The following TAS2R1 variants were observed in gnomAD, a reference collection of about 807,000 sequenced individuals.
The protein encoded by TAS2R1 is taste receptor type 2 member 1.
For synonymous variants in TAS2R1, 141 were observed against 134.2 expected (o/e 1.05, Z -0.35); for missense variants, 370 against 353.4 (o/e 1.05, Z -0.38).
At chr5:9,825,981 T>G in the TAS2R1 span, among the ~76,000 whole-genome samples, 5 of 152,178 alleles carry the variant, frequency 3.3e-5, no homozygotes, top group African/African-American at 9.6e-5. Context: ...CAAAATCCAG[T>G]GGGTTAGGGT....
chr5:9,792,182 C>T, the TAS2R1 span, among the ~76,000 whole-genome samples: 1 of 152,116 alleles, frequency 6.6e-6, no homozygotes, highest in Non-Finnish European at 1.5e-5. Flanking sequence ...CTTGAATAAC[C>T]CACCTATGCT....
chr5:9,808,037 G>C, the TAS2R1 span, among the ~76,000 whole-genome samples: 1 of 152,154 alleles, frequency 6.6e-6, no homozygotes, highest in Non-Finnish European at 1.5e-5. Context: ...CTTTAGAACT[G>C]GTATTAGGTA....
At chr5:9,669,873 C>T (rs888285588) in intron 1 of TAS2R1, among the ~76,000 whole-genome samples, 4 of 151,630 alleles carry the variant, frequency 2.6e-5, no homozygotes, top group African/African-American at 9.7e-5. Context: ...GACTGAACCA[C>T]CCCCAAACCT....
At chr5:9,814,784 C>T in the TAS2R1 span, among the ~76,000 whole-genome samples, 1 of 152,108 alleles carries the variant, frequency 6.6e-6, no homozygotes, top group African/African-American at 2.4e-5. Context: ...AAGTGTATGA[C>T]TTTGGGGAGA....
the TAS2R1 span, among the ~76,000 whole-genome samples, chr5:9,866,931 T>C: frequency 1.3e-5 from 2 of 152,232 alleles, no homozygotes; most frequent in African/African-American, 2.4e-5. Context: ...TGTGTGTATG[T>C]ATGTTCTATA....
At chr5:9,646,591 T>C (rs1374622353) in intron 2 of TAS2R1, among the ~76,000 whole-genome samples, 1 of 152,126 alleles carries the variant, frequency 6.6e-6, no homozygotes. Context: ...ATACAATACT[T>C]CCTTACAAAT....
the TAS2R1 span, among the ~76,000 whole-genome samples, chr5:9,815,152 A>T: frequency 6.6e-6 from 1 of 152,242 alleles, no homozygotes; most frequent in Admixed American, 6.5e-5. Context: ...AGGAGGTTGT[A>T]ATTGATCAAA....
At chr5:9,790,611 A>ATG in the TAS2R1 span, among the ~76,000 whole-genome samples, 2 of 152,100 alleles carry the variant, frequency 1.3e-5, no homozygotes, top group East Asian at 1.9e-4. Context: ...CTGTGTGTGC[A>ATG]TGTGTGTGTG....
the TAS2R1 span, among the ~76,000 whole-genome samples, chr5:9,808,048 G>A: frequency 3.2e-4 from 49 of 152,274 alleles, no homozygotes; most frequent in African/African-American, 1.1e-3. Flanking sequence ...GTATTAGGTA[G>A]AGACTGACAG....
the TAS2R1 span, among the ~76,000 whole-genome samples, chr5:9,812,250 G>A: frequency 2.0e-4 from 31 of 152,028 alleles, no homozygotes; most frequent in South Asian, 5.6e-3. Context: ...GAAGATGTTC[G>A]ATAAATATTC....
the TAS2R1 span, among the ~76,000 whole-genome samples, chr5:9,811,833 T>C: frequency 2.6e-5 from 4 of 152,234 alleles, no homozygotes; most frequent in African/African-American, 7.2e-5. Context: ...TATGATGTGT[T>C]TCTGCCAATC....
chr5:9,903,301 T>C, the TAS2R1 span, among the ~76,000 whole-genome samples: 1 of 152,224 alleles, frequency 6.6e-6, no homozygotes, highest in South Asian at 2.1e-4. Context: ...TCATTTAACA[T>C]AATAATCTCC....
At chr5:9,799,278 C>A in the TAS2R1 span, among the ~76,000 whole-genome samples, 6 of 152,250 alleles carry the variant, frequency 3.9e-5, no homozygotes. Flanking sequence ...CCACCTGTGT[C>A]ATGCATAGTG....
chr5:9,800,739 T>C, the TAS2R1 span, among the ~76,000 whole-genome samples: 3 of 152,226 alleles, frequency 2.0e-5, no homozygotes, highest in Non-Finnish European at 2.9e-5. Flanking sequence ...AAATTATCCA[T>C]TGGCCCTGTT....
the TAS2R1 span, among the ~76,000 whole-genome samples, chr5:9,752,730 G>A: frequency 1.1e-4 from 16 of 149,350 alleles, no homozygotes; most frequent in Non-Finnish European, 1.9e-4. Flanking sequence ...CCCGGTGTGT[G>A]ATGTTCCCCT....
At chr5:9,755,351 G>T in the TAS2R1 span, among the ~76,000 whole-genome samples, 1 of 152,186 alleles carries the variant, frequency 6.6e-6, no homozygotes, top group Non-Finnish European at 1.5e-5. Context: ...ACTTTGGGAG[G>T]CTGAGGCAGG....
At chr5:9,831,278 A>G in the TAS2R1 span, among the ~76,000 whole-genome samples, 1 of 152,202 alleles carries the variant, frequency 6.6e-6, no homozygotes, top group Non-Finnish European at 1.5e-5. Context: ...CAGTAGTATT[A>G]TATCATGAGG....
At chr5:9,767,938 A>AAT in the TAS2R1 span, among the ~76,000 whole-genome samples, 17 of 151,472 alleles carry the variant, frequency 1.1e-4, no homozygotes, top group Non-Finnish European at 2.2e-4. Flanking sequence ...AAAAAAAAAA[A>AAT]AAAAGCCAGA....
At chr5:9,803,679 GACAA>G in the TAS2R1 span, among the ~76,000 whole-genome samples, 1 of 152,168 alleles carries the variant, frequency 6.6e-6, no homozygotes, top group Non-Finnish European at 1.5e-5. Flanking sequence ...GTCTTTTCCA[GACAA>G]ACAAATGCTG....
Sources: allele counts gnomAD v4.1 joint callset (sites outside exome capture counted in the v4.1 genomes callset), GRCh38; gene constraint gnomAD v4.1.1; transcripts MANE v1.5; gene names NCBI Gene and HGNC (gene_info 2026-07-23, HGNC 2026-07-21).